Variants in MAST2 observed in about 807,000 individuals in gnomAD.
MAST2 encodes microtubule associated serine/threonine kinase 2, also known as microtubule-associated serine/threonine-protein kinase 2.
Under a neutral mutation model 147.4 loss-of-function variants are expected in MAST2, and 70 were observed. That is an observed-to-expected ratio of 0.47 (90% CI 0.39 to 0.58). The LOEUF (loss-of-function observed/expected upper bound fraction) is 0.58. Ranked by LOEUF, MAST2 falls within the 20% of genes least tolerant of loss-of-function variation. MAST2 has a pLI of 0.00. For synonymous variants in MAST2, 869 were observed against 896.8 expected (o/e 0.97, Z 0.55); for missense variants, 2,080 against 2,302.3 (o/e 0.90, Z 1.98).
intron 4 of MAST2, among the ~76,000 whole-genome samples, chr1:45,940,362 T>A (rs1380571987): frequency 1.3e-5 from 2 of 152,154 alleles, no homozygotes; most frequent in Non-Finnish European, 2.9e-5. Flanking sequence ...ACTTCTTTTG[T>A]TAAATTTATT....
At chr1:45,925,418 A>G (rs924067270) in intron 4 of MAST2, among the ~76,000 whole-genome samples, 1 of 152,222 alleles carries the variant, frequency 6.6e-6, no homozygotes, top group Admixed American at 6.5e-5. Flanking sequence ...CTCCATTTGC[A>G]TGTCTTCTAA....
chr1:45,842,997 G>C (rs1449810851), intron 3 of MAST2, among the ~76,000 whole-genome samples: 1 of 151,982 alleles, frequency 6.6e-6, no homozygotes, highest in East Asian at 1.9e-4. Context: ...TGAGTATGAA[G>C]TGGTACCTCA....
intron 4 of MAST2, among the ~76,000 whole-genome samples, chr1:45,939,984 T>TTTTTTTTG (rs1656953260): frequency 7.9e-6 from 1 of 126,218 alleles, no homozygotes; most frequent in Non-Finnish European, 1.7e-5. Flanking sequence ...TTTAGGGTTT[T>TTTTTTTTG]TTTTTTTTTT....
At chr1:45,966,888 G>A (rs1661297259) in intron 5 of MAST2, among the ~76,000 whole-genome samples, 1 of 138,814 alleles carries the variant, frequency 7.2e-6, no homozygotes, top group Non-Finnish European at 1.5e-5. Context: ...TTTTTTTAAG[G>A]CAGGGTCTCA....
intron 4 of MAST2, among the ~76,000 whole-genome samples, chr1:45,899,769 C>T (rs557130289): frequency 6.6e-6 from 1 of 151,732 alleles, no homozygotes; most frequent in Non-Finnish European, 1.5e-5. Context: ...GATAAATGTA[C>T]CAGTGTAGGT....
At chr1:45,988,996 G>T (rs1644757239) in intron 5 of MAST2, among the ~76,000 whole-genome samples, 1 of 152,096 alleles carries the variant, frequency 6.6e-6, no homozygotes, top group Admixed American at 6.5e-5. Context: ...TCAAGATCTG[G>T]GTTCTAGGAA....
intron 19 of MAST2, 70 bp downstream of exon 19, chr1:46,029,637 G>T: frequency 6.8e-7 from 1 of 1,479,184 alleles, no homozygotes; most frequent in Non-Finnish European, 9.3e-7. Flanking sequence ...CATGTACCCT[G>T]GAGGTTCAGG....
intron 7 of MAST2, among the ~76,000 whole-genome samples, chr1:46,005,120 T>C (rs1162762683): frequency 1.3e-5 from 2 of 152,278 alleles, no homozygotes; most frequent in African/African-American, 2.4e-5. Context: ...CCCAGCACTT[T>C]GGGAGGCCAA....
intron 4 of MAST2, among the ~76,000 whole-genome samples, chr1:45,912,607 C>T (rs768958441): frequency 2.0e-5 from 3 of 152,178 alleles, no homozygotes; most frequent in Admixed American, 6.5e-5. Context: ...CAGTTTGATA[C>T]GCTTTGTCAT....
intron 5 of MAST2, among the ~76,000 whole-genome samples, chr1:45,991,030 T>C (rs903619349): frequency 6.6e-6 from 1 of 152,220 alleles, no homozygotes; most frequent in Non-Finnish European, 1.5e-5. Context: ...AGGTAAATCT[T>C]ACATTCGGAT....
At chr1:45,924,487 T>TCTTCTGG (rs1654037869) in intron 4 of MAST2, among the ~76,000 whole-genome samples, 1 of 152,092 alleles carries the variant, frequency 6.6e-6, no homozygotes, top group African/African-American at 2.4e-5. Flanking sequence ...GAGAGGGAAC[T>TCTTCTGG]AGGAGGGGGG....
intron 4 of MAST2, among the ~76,000 whole-genome samples, chr1:45,947,580 G>A (rs768464478): frequency 3.3e-5 from 5 of 152,174 alleles, no homozygotes; most frequent in Non-Finnish European, 7.4e-5. Context: ...TAATCAATAA[G>A]AGTAGAAGTG....
At position 46,021,490 on chromosome 1, in the gene MAST2, A is replaced by G. The variant is rs184553919; in HGVS notation, c.1291-460A>G. Among the ~76,000 whole-genome samples the G allele has an allele frequency of 2.3e-3, 354 of 152,360 alleles. 5 individuals carry two copies. Among genetic ancestry groups the G allele is most frequent in the African/African-American group, 8.1e-3 (337 of 41,586 alleles). On this transcript the variant is annotated intron_variant, in intron 11 of 28. Transcript: ENST00000361297. ...GTGCAGACAAGGATTGTGCTTTTCA[A>G]TGGATTTCCAGCCTCTAGCACATAG... is the stretch of plus-strand genomic sequence containing the variant.
intron 5 of MAST2, among the ~76,000 whole-genome samples, chr1:45,987,803 G>A (rs1173920608): frequency 7.6e-5 from 3 of 39,524 alleles, no homozygotes; most frequent in African/African-American, 1.0e-4. Context: ...TTTTTTTTTG[G>A]TTTGGTGTTT....
At chr1:45,921,676 G>A (rs1441104927) in intron 4 of MAST2, among the ~76,000 whole-genome samples, 2 of 152,162 alleles carry the variant, frequency 1.3e-5, no homozygotes, top group African/African-American at 4.8e-5. Flanking sequence ...GAACGCGGTG[G>A]TGCCCAGAAA....
chr1:45,995,284 T>C (rs975552924), intron 5 of MAST2, among the ~76,000 whole-genome samples: 16 of 152,196 alleles, frequency 1.1e-4, no homozygotes, highest in African/African-American at 3.6e-4. Context: ...CTAGCCACTC[T>C]AAAGATTTTT....
At position 46,034,338 on chromosome 1, in the gene MAST2, T is replaced by C. The variant is rs572499548; in HGVS notation, c.3868+72T>C. 2.7e-6 allele frequency: 4 copies of C among 1,485,526 alleles called. No homozygotes were observed. The African/African-American group carries it at 5.6e-5, about 21-fold the overall frequency. The allele number at this position is 1,485,526 out of a possible 1,614,324, so 92.0% of individuals were successfully genotyped here. ...AAAGTTCCTAGGCCCTGTGTGCTTCTGACAGATCCCACTCTGAGTCTCTCA... is the reference window on the plus strand; with the variant it reads ...AAAGTTCCTAGGCCCTGTGTGCTTCCGACAGATCCCACTCTGAGTCTCTCA... On this transcript the variant is annotated intron_variant, in intron 28 of 28. Coordinates refer to ENST00000361297, the MANE Select transcript of MAST2 (RefSeq NM_015112.3).
intron 9 of MAST2, among the ~76,000 whole-genome samples, chr1:46,009,382 C>T (rs1014510215): frequency 4.6e-5 from 7 of 152,162 alleles, no homozygotes; most frequent in African/African-American, 7.2e-5. Flanking sequence ...TTTTCAACAC[C>T]ACATGCCTGT....
intron 4 of MAST2, among the ~76,000 whole-genome samples, chr1:45,889,752 C>T (rs974353567): frequency 1.3e-5 from 2 of 151,906 alleles, no homozygotes; most frequent in African/African-American, 4.8e-5. Context: ...ACTACAGGTG[C>T]ACGCCATGAC....
Sources: gnomAD v4.1 joint callset for allele counts (sites outside exome capture counted in the v4.1 genomes callset) on GRCh38, gnomAD v4.1.1 for gene constraint, MANE v1.5 for transcripts, NCBI Gene and HGNC (gene_info 2026-07-23, HGNC 2026-07-21) for gene names.